HS6ST3: variants seen among roughly 807,000 people sequenced by gnomAD.
The protein encoded by HS6ST3 is heparan sulfate 6-O-sulfotransferase 3, also known as heparan-sulfate 6-O-sulfotransferase 3.
A neutral mutation model predicts 36.7 loss-of-function variants in HS6ST3; 12 were observed. The observed-to-expected ratio is 0.33, with a 90% CI of 0.21 to 0.53. HS6ST3 has a LOEUF of 0.53. Ranked by LOEUF, HS6ST3 falls within the 20% of genes least tolerant of loss-of-function variation. HS6ST3 has a pLI of 0.95. For missense variants in HS6ST3, 584 were observed against 640.9 expected (o/e 0.91, Z 0.96); for synonymous variants, 240 against 257.5 (o/e 0.93, Z 0.65).
chr13:96,753,460 A>G (rs186345366), intron 1 of HS6ST3, among the ~76,000 whole-genome samples: 23 of 152,134 alleles, frequency 1.5e-4, no homozygotes, highest in Admixed American at 1.5e-3. Context: ...GATACTGTAT[A>G]TTTCTGTTGT....
intron 1 of HS6ST3, among the ~76,000 whole-genome samples, chr13:96,586,487 G>T (rs1456681766): frequency 6.6e-6 from 1 of 152,022 alleles, no homozygotes; most frequent in Non-Finnish European, 1.5e-5. Flanking sequence ...GTAGAGACAG[G>T]TTTTCACCAT....
chr13:96,780,897 A>G lies in HS6ST3; in HGVS notation c.708-51593A>G, dbSNP rs560120917. On this transcript the variant is annotated intron_variant, in intron 1 of 1. Coordinates refer to ENST00000376705, the MANE Select transcript of HS6ST3 (RefSeq NM_153456.4). ...AAGGATAAATTTGCAGCCCAATCAA[A>G]CAGCAGCAGCAGCAGCAACACCAAT... Among the ~76,000 whole-genome samples the G allele has an allele frequency of 4.6e-4, 70 of 151,924 alleles. 1 individual carries two copies. The South Asian group carries it at 0.014, about 30-fold the overall frequency.
rs541507573 is a variant in HS6ST3 at position 96,837,844 on chromosome 13, A to G, written c.*4646A>G. The G allele has an allele frequency of 1.6e-4, 20 of 122,482 alleles. No individual in the cohort carries two copies. Among genetic ancestry groups the G allele is most frequent in the Non-Finnish European group, 2.5e-4 (16 of 63,546 alleles). 7.6% of individuals were successfully genotyped at this position (122,482 alleles called of 1,614,324 possible). A position where few individuals can be genotyped will look rare whatever the true frequency, so the allele number is the denominator to read the frequency against. On this transcript the variant is annotated 3_prime_UTR_variant, in exon 2 of 2. Coordinates refer to ENST00000376705, the MANE Select transcript of HS6ST3 (RefSeq NM_153456.4). ...CAATATAAACCCGCCCCCACCAACC[A>G]AAAAAAAAAAAAGAAAGAAAACTCT...
intron 1 of HS6ST3, among the ~76,000 whole-genome samples, chr13:96,527,781 C>T (rs1177792112): frequency 6.6e-6 from 1 of 152,100 alleles, no homozygotes; most frequent in African/African-American, 2.4e-5. Context: ...CAGAGGGAGG[C>T]AGGAGAGTGG....
At chr13:96,147,202 A>G (rs775806689) in intron 1 of HS6ST3, among the ~76,000 whole-genome samples, 2 of 152,200 alleles carry the variant, frequency 1.3e-5, no homozygotes, top group Non-Finnish European at 2.9e-5. Flanking sequence ...TAATCATTGG[A>G]GTGAGTATCA....
intron 1 of HS6ST3, among the ~76,000 whole-genome samples, chr13:96,612,125 G>A (rs2056459042): frequency 6.6e-6 from 1 of 152,104 alleles, no homozygotes; most frequent in Non-Finnish European, 1.5e-5. Context: ...GCAAAGAATG[G>A]GAGAAATACT....
rs146618955 is a variant in HS6ST3 at position 96,135,626 on chromosome 13, AAATGTGAAAACTGTT to A, written c.707+44060_707+44074del. On this transcript the variant is annotated intron_variant, in intron 1 of 1. Transcript: ENST00000376705. ...CTGTGTTTATGGAGAAAAACAATTC[AAATGTGAAAACTGTT>A]AAACCACACGGCATACTGCTTCAGA... Among the ~76,000 whole-genome samples, 80 of 152,288 alleles carry A rather than the reference AAATGTGAAAACTGTT, an allele frequency of 5.3e-4. 1 individual carries two copies. The East Asian group carries it at 0.015, about 28-fold the overall frequency.
intron 1 of HS6ST3, among the ~76,000 whole-genome samples, chr13:96,650,359 G>T (rs892381716): frequency 5.3e-5 from 8 of 151,906 alleles, no homozygotes; most frequent in Admixed American, 4.6e-4. Context: ...AAGAATGAAT[G>T]ATTTCCTTTG....
At chr13:96,720,708 A>G (rs1012185707) in intron 1 of HS6ST3, among the ~76,000 whole-genome samples, 32 of 152,200 alleles carry the variant, frequency 2.1e-4, no homozygotes, top group African/African-American at 7.2e-4. Flanking sequence ...AATTTCTTCT[A>G]TTGATGCAAA....
At chr13:96,415,791 T>C (rs2055530113) in intron 1 of HS6ST3, among the ~76,000 whole-genome samples, 1 of 152,228 alleles carries the variant, frequency 6.6e-6, no homozygotes, top group Non-Finnish European at 1.5e-5. Context: ...GAACGTATTT[T>C]ATAGCCTGTC....
intron 1 of HS6ST3, among the ~76,000 whole-genome samples, chr13:96,601,590 T>C (rs2056421703): frequency 6.6e-6 from 1 of 152,160 alleles, no homozygotes; most frequent in Non-Finnish European, 1.5e-5. Context: ...AATATGCATT[T>C]TGGATACTTT....
intron 1 of HS6ST3, among the ~76,000 whole-genome samples, chr13:96,169,051 C>T (rs1248039972): frequency 6.6e-6 from 1 of 152,204 alleles, no homozygotes; most frequent in African/African-American, 2.4e-5. Context: ...TGGGGCACTT[C>T]TGAACAGGTG....
intron 1 of HS6ST3, among the ~76,000 whole-genome samples, chr13:96,672,881 C>G (rs944761322): frequency 4.6e-5 from 7 of 152,034 alleles, no homozygotes; most frequent in African/African-American, 1.7e-4. Context: ...GACTTTTGAC[C>G]TTATGAGGGT....
At chr13:96,356,380 A>G (rs1309288870) in intron 1 of HS6ST3, among the ~76,000 whole-genome samples, 4 of 152,206 alleles carry the variant, frequency 2.6e-5, no homozygotes, top group East Asian at 3.9e-4. Context: ...TATGGTAGCT[A>G]TAGCTTTACA....
chr13:96,186,197 C>T (rs1379507240), intron 1 of HS6ST3, among the ~76,000 whole-genome samples: 2 of 152,068 alleles, frequency 1.3e-5, no homozygotes, highest in South Asian at 2.1e-4. Context: ...TGAAAACAGA[C>T]GAGGTTTTGC....
intron 1 of HS6ST3, among the ~76,000 whole-genome samples, chr13:96,676,695 T>C (rs1412063601): frequency 1.3e-5 from 2 of 152,166 alleles, no homozygotes; most frequent in Non-Finnish European, 2.9e-5. Flanking sequence ...GTCTAAGTCA[T>C]AATTTTCTAA....
rs79469551 is a variant in HS6ST3 at position 96,474,059 on chromosome 13, A to G, written c.708-358431A>G. Among the ~76,000 whole-genome samples, 1,212 of 152,260 alleles carry G rather than the reference A, an allele frequency of 8.0e-3. 18 individuals are homozygous for G. Among genetic ancestry groups the G allele is most frequent in the African/African-American group, 0.027 (1,127 of 41,538 alleles). On this transcript the variant is annotated intron_variant, in intron 1 of 1. Coordinates refer to ENST00000376705, the MANE Select transcript of HS6ST3 (RefSeq NM_153456.4). ...TGGAATGTTGCAGAGACTGCTGTCA[A>G]CCTACAATGAGCAGTGAATATCAAT...
At chr13:96,798,914 C>A (rs1401763847) in intron 1 of HS6ST3, among the ~76,000 whole-genome samples, 1 of 152,134 alleles carries the variant, frequency 6.6e-6, no homozygotes, top group Non-Finnish European at 1.5e-5. Context: ...CACTTTCTCA[C>A]TGTGTCTTCA....
intron 1 of HS6ST3, among the ~76,000 whole-genome samples, chr13:96,223,928 A>ACT (rs2054468146): frequency 6.6e-6 from 1 of 151,842 alleles, no homozygotes; most frequent in South Asian, 2.1e-4. Context: ...ATATAATCTA[A>ACT]AGCAAAATAT....
Sources: allele counts gnomAD v4.1 joint callset (sites outside exome capture counted in the v4.1 genomes callset), GRCh38; gene constraint gnomAD v4.1.1; transcripts MANE v1.5; gene names NCBI Gene and HGNC (gene_info 2026-07-23, HGNC 2026-07-21).